Variants in DPP8 observed in about 807,000 individuals in gnomAD.
DPP8 encodes the protein dipeptidyl peptidase 8.
DPP8 carries 31 observed loss-of-function variants against 107.5 expected under a neutral mutation model. That is an observed-to-expected ratio of 0.29 (90% CI 0.22 to 0.39). The LOEUF (loss-of-function observed/expected upper bound fraction) is 0.39, where lower values mean the gene tolerates loss of function less well. DPP8 is among the 10% of genes least tolerant of loss of function. The pLI, the probability that DPP8 is intolerant of heterozygous loss-of-function variation, is 1.00. For missense variants in DPP8, 842 were observed against 1,076.1 expected, an observed-to-expected ratio of 0.78 and a Z score of 3.04; for synonymous variants, 381 against 356.6, an observed-to-expected ratio of 1.07 and a Z score of -0.77.
chr15:65,485,094 C>G lies in DPP8; in HGVS notation c.1017+5G>C, dbSNP rs1408302403. 6.2e-7 allele frequency: 1 copy of G among 1,605,426 alleles called. No individual in the cohort carries two copies. The highest frequency in any genetic ancestry group is 8.5e-7 in the Non-Finnish European group (1 of 1,172,098). On this transcript the variant is annotated splice_donor_5th_base_variant and intron_variant, in intron 8 of 19. Transcript: ENST00000300141. ...CAGAAGGTCAACTCAGCATTTTATA[C>G]TTACCCTTCCTTCAGCATCAATCAT... is the stretch of plus-strand genomic sequence containing the variant.
At chr15:65,512,638 A>G (rs1455382856) in intron 1 of DPP8, 74 bp from the exon 2 acceptor site, 2 of 1,528,556 alleles carry the variant, frequency 1.3e-6, no homozygotes, top group East Asian at 2.3e-5. Context: ...GAGAGGGTCA[A>G]AAAAAAAGCG....
rs758254879 is a variant in DPP8, at chr15:65,467,132, T to C, written c.1628A>G (p.Asn543Ser). Reference sequence around the variant, plus strand: ...AGTCAGCCTTGTCACCTCTCCAGGATTTACGTAACTGACTACGTACAGGTG... The same window carrying C: ...AGTCAGCCTTGTCACCTCTCCAGGACTTACGTAACTGACTACGTACAGGTG... ...EHHLYVVSYVNPGEVTRLTDR... is the reference protein window; with the variant it reads ...EHHLYVVSYVSPGEVTRLTDR... Residue 543 changes from asparagine (N) to serine (S), a missense_variant, in exon 13 of 20, where the codon AAT (asparagine) becomes AGT (serine). By Grantham distance (46) the Asn-to-Ser change is conservative (BLOSUM62 1). This residue lies in a region of DPP8 where 663 missense variants were observed against 758.0 expected (regional missense o/e 0.87). Transcript: ENST00000300141. The C allele has an allele frequency of 4.3e-6, 7 of 1,614,130 alleles. No individual in the cohort carries two copies. Among genetic ancestry groups the C allele is most frequent in the Non-Finnish European group, 5.1e-6 (6 of 1,180,024 alleles).
At chr15:65,489,163 G>T (rs1317182885) in intron 6 of DPP8, among the ~76,000 whole-genome samples, 1 of 152,016 alleles carries the variant, frequency 6.6e-6, no homozygotes, top group Non-Finnish European at 1.5e-5. Flanking sequence ...GTTTCACCAT[G>T]TTGGCCAGGA....
At chr15:65,506,649 AATAT>A (rs1256568698) in intron 3 of DPP8, among the ~76,000 whole-genome samples, 1 of 148,636 alleles carries the variant, frequency 6.7e-6, no homozygotes, top group Non-Finnish European at 1.5e-5. Context: ...ACATATATAA[AATAT>A]ATAAACATAT....
At chr15:65,455,097 A>C (rs2064298883) in intron 16 of DPP8, among the ~76,000 whole-genome samples, 1 of 152,196 alleles carries the variant, frequency 6.6e-6, no homozygotes, top group Non-Finnish European at 1.5e-5. Context: ...CCAAAGACAA[A>C]AAATTAGCCC....
chr15:65,516,068 TAA>T lies in DPP8; in HGVS notation c.-12+1416_-12+1417del, dbSNP rs201318424. On this transcript the variant is annotated intron_variant, in intron 1 of 19. Transcript: ENST00000300141. ...ACAAAGGAAAACCATGGAAAGGCTT[TAA>T]AAAGTTACAAAAGGCATACAGATGT... is the stretch of plus-strand genomic sequence containing the variant. 612 of 362,626 alleles carry T rather than the reference TAA, an allele frequency of 1.7e-3. 4 individuals carry two copies. Among genetic ancestry groups the T allele is most frequent in the African/African-American group, 0.012 (562 of 47,958 alleles). 22.5% of individuals were successfully genotyped at this position (362,626 alleles called of 1,614,324 possible).
At chr15:65,451,310 T>A (rs1232153133) in intron 18 of DPP8, among the ~76,000 whole-genome samples, 200 bp from the exon 19 acceptor site, 5 of 152,218 alleles carry the variant, frequency 3.3e-5, no homozygotes, top group Non-Finnish European at 7.3e-5. Flanking sequence ...AGATCTTGTG[T>A]TCAATTTTTT....
chr15:65,454,206 C>T (rs1170857075), intron 17 of DPP8, 57 bp downstream of exon 17: 1 of 1,274,940 alleles, frequency 7.8e-7, no homozygotes, highest in African/African-American at 1.6e-5. Context: ...ATATATCCTC[C>T]ATTTACAGAA....
At chr15:65,480,781 CAG>C (rs1265511099) in intron 9 of DPP8, among the ~76,000 whole-genome samples, 1 of 151,988 alleles carries the variant, frequency 6.6e-6, no homozygotes, top group Non-Finnish European at 1.5e-5. Flanking sequence ...CTGGGTGACA[CAG>C]AGAGAGACCC....
chr15:65,485,348 A>C (rs1200417853), intron 7 of DPP8, among the ~76,000 whole-genome samples, 188 bp from the exon 8 acceptor site: 1 of 151,656 alleles, frequency 6.6e-6, no homozygotes, highest in Non-Finnish European at 1.5e-5. Context: ...GTTTGAGACC[A>C]CCCTGGCCAA....
At chr15:65,507,500 C>T (rs558413884) in intron 2 of DPP8, 145 bp from the exon 3 acceptor site, 22 of 540,510 alleles carry the variant, frequency 4.1e-5, no homozygotes, top group African/African-American at 3.9e-4. Flanking sequence ...GTAGAATGTG[C>T]TTATGCCATA....
chr15:65,495,526 C>T (rs1349773271), intron 5 of DPP8, among the ~76,000 whole-genome samples: 1 of 151,996 alleles, frequency 6.6e-6, no homozygotes, highest in East Asian at 1.9e-4. Flanking sequence ...ATCACTTGAA[C>T]GCAGGAGGCA....
chr15:65,495,243 G>C (rs2068464709), intron 5 of DPP8, among the ~76,000 whole-genome samples: 1 of 152,118 alleles, frequency 6.6e-6, no homozygotes, highest in Middle Eastern at 3.2e-3. Context: ...CATTACTTAG[G>C]ATCAGTTTAG....
intron 16 of DPP8, among the ~76,000 whole-genome samples, chr15:65,454,712 G>C (rs918393177): frequency 6.6e-6 from 1 of 152,094 alleles, no homozygotes; most frequent in African/African-American, 2.4e-5. Context: ...TTTTTTAGTA[G>C]AGACGGAGTT....
chr15:65,490,632 A>G (rs575429270), intron 5 of DPP8, among the ~76,000 whole-genome samples: 2 of 152,222 alleles, frequency 1.3e-5, no homozygotes, highest in Non-Finnish European at 2.9e-5. Flanking sequence ...AATTAGCAGG[A>G]TCATGGAAAA....
chr15:65,516,548 A>G (rs1388706195), intron 1 of DPP8: 2 of 152,264 alleles, frequency 1.3e-5, no homozygotes. Flanking sequence ...CTAAGTGGCA[A>G]GTGCAGGAAA....
intron 15 of DPP8, among the ~76,000 whole-genome samples, chr15:65,456,713 A>G (rs371341173): frequency 6.6e-6 from 1 of 152,170 alleles, no homozygotes; most frequent in South Asian, 2.1e-4. Context: ...ACAAGGACAA[A>G]TAAGAAAAAC....
At chr15:65,486,687 C>T (rs2067476070) in intron 7 of DPP8, among the ~76,000 whole-genome samples, 1 of 152,194 alleles carries the variant, frequency 6.6e-6, no homozygotes, top group South Asian at 2.1e-4. Context: ...TTCACAGCAA[C>T]CTAGATGGAG....
At chr15:65,447,357 G>A (rs1468584886) in intron 19 of DPP8, among the ~76,000 whole-genome samples, 3 of 152,166 alleles carry the variant, frequency 2.0e-5, no homozygotes, top group African/African-American at 4.8e-5. Context: ...AGCATTTACA[G>A]TGATGATACA....
Sources: allele counts gnomAD v4.1 joint callset (sites outside exome capture counted in the v4.1 genomes callset), GRCh38; gene constraint gnomAD v4.1.1; regional missense constraint gnomAD v4.1.1; transcripts MANE v1.5; gene names NCBI Gene and HGNC (gene_info 2026-07-23, HGNC 2026-07-21).